DCLK2: variants seen among roughly 807,000 people sequenced by gnomAD.
The protein encoded by DCLK2 is doublecortin like kinase 2.
In DCLK2, 31 loss-of-function variants were observed where a neutral mutation model predicts 78.4. The observed-to-expected ratio is 0.40, with a 90% CI of 0.30 to 0.53. The LOEUF is 0.53. Ranked by LOEUF, DCLK2 falls within the 20% of genes least tolerant of loss-of-function variation. DCLK2 has a pLI of 0.61. For missense variants in DCLK2, 872 were observed against 973.7 expected, an observed-to-expected ratio of 0.90 and a Z score of 1.39; for synonymous variants, 407 against 374.9, an observed-to-expected ratio of 1.09 and a Z score of -0.99.
intron 2 of DCLK2, among the ~76,000 whole-genome samples, chr4:150,165,974 C>T (rs1339231115): frequency 6.6e-6 from 1 of 152,108 alleles, no homozygotes; most frequent in Non-Finnish European, 1.5e-5. Context: ...CCACCTTCCC[C>T]CTTCAACTGT....
chr4:150,195,151 AT>A (rs1159487612), intron 3 of DCLK2, among the ~76,000 whole-genome samples: 12 of 59,692 alleles, frequency 2.0e-4, no homozygotes, highest in South Asian at 1.8e-3. Flanking sequence ...TATATATATT[AT>A]ATATAATATT....
chr4:150,207,777 G>A (rs563627261), intron 5 of DCLK2, among the ~76,000 whole-genome samples: 2 of 152,102 alleles, frequency 1.3e-5, no homozygotes, highest in African/African-American at 4.8e-5. Flanking sequence ...TATTTGTTTT[G>A]TTCAAGTAGT....
At chr4:150,218,920 G>A (rs531385518) in intron 5 of DCLK2, among the ~76,000 whole-genome samples, 1 of 152,240 alleles carries the variant, frequency 6.6e-6, no homozygotes, top group East Asian at 1.9e-4. Context: ...AATTTGGCTG[G>A]CCAGGCCAAA....
At chr4:150,130,170 A>G (rs970811212) in intron 2 of DCLK2, among the ~76,000 whole-genome samples, 13 of 152,140 alleles carry the variant, frequency 8.5e-5, no homozygotes, top group Non-Finnish European at 1.8e-4. Flanking sequence ...AGTCCTTAAT[A>G]TGTATTCACT....
chr4:150,147,673 A>G (rs912672836), intron 2 of DCLK2, among the ~76,000 whole-genome samples: 1 of 152,176 alleles, frequency 6.6e-6, no homozygotes, highest in East Asian at 1.9e-4. Flanking sequence ...AAACTGGGCT[A>G]TAAAAGAAAC....
chr4:150,240,056 C>T (rs1742801649), intron 11 of DCLK2, among the ~76,000 whole-genome samples, 181 bp downstream of exon 11: 1 of 64,896 alleles, frequency 1.5e-5, no homozygotes, highest in African/African-American at 5.1e-5. Context: ...TATACAGTGC[C>T]TCCTGTGAAG....
intron 10 of DCLK2, among the ~76,000 whole-genome samples, chr4:150,233,575 A>G (rs985145123): frequency 1.3e-5 from 2 of 152,200 alleles, no homozygotes; most frequent in Non-Finnish European, 2.9e-5. Context: ...AATTTTGGAA[A>G]TAGTCTAGTC....
chr4:150,108,411 G>T (rs1209311300), intron 2 of DCLK2, among the ~76,000 whole-genome samples: 1 of 151,516 alleles, frequency 6.6e-6, no homozygotes, highest in Non-Finnish European at 1.5e-5. Context: ...GGGCGTGGTG[G>T]TGGGCGCCTG....
intron 2 of DCLK2, among the ~76,000 whole-genome samples, chr4:150,128,200 C>A (rs1247116163): frequency 6.6e-6 from 1 of 152,088 alleles, no homozygotes; most frequent in Non-Finnish European, 1.5e-5. Context: ...GGAAAGGCCT[C>A]CAAAACAAAG....
At chr4:150,119,035 CAATAATAATATAAT>C (rs1560787353) in intron 2 of DCLK2, among the ~76,000 whole-genome samples, 1 of 53,980 alleles carries the variant, frequency 1.9e-5, no homozygotes, top group Non-Finnish European at 4.6e-5. Context: ...CTCAAAATAA[CAATAATAATATAAT>C]AATAATAATA....
intron 8 of DCLK2, among the ~76,000 whole-genome samples, chr4:150,229,048 A>C (rs539009426): frequency 4.0e-5 from 6 of 149,896 alleles, no homozygotes; most frequent in Non-Finnish European, 8.9e-5. Flanking sequence ...AAAAACAAAA[A>C]AAAAAACTAT....
intron 2 of DCLK2, among the ~76,000 whole-genome samples, chr4:150,169,213 T>C (rs1736320325): frequency 6.6e-6 from 1 of 152,206 alleles, no homozygotes; most frequent in Admixed American, 6.5e-5. Flanking sequence ...AAAAATTAAC[T>C]TCTAAAAATC....
intron 2 of DCLK2, among the ~76,000 whole-genome samples, chr4:150,115,297 G>C (rs982428271): frequency 6.6e-6 from 1 of 151,402 alleles, no homozygotes; most frequent in Admixed American, 6.6e-5. Flanking sequence ...ATTTCTTTTT[G>C]TTGGTTTTTG....
At chr4:150,146,647 C>T (rs751992873) in intron 2 of DCLK2, among the ~76,000 whole-genome samples, 3 of 152,268 alleles carry the variant, frequency 2.0e-5, no homozygotes, top group Admixed American at 6.5e-5. Flanking sequence ...GTAATAAGAT[C>T]AGATGCCATC....
At chr4:150,198,926 TC>T in intron 4 of DCLK2, 1 of 365,284 alleles carries the variant, frequency 2.7e-6, no homozygotes, top group Non-Finnish European at 4.9e-6. Flanking sequence ...CCCCCCACTT[TC>T]TGTAGGGCAG....
chr4:150,111,874 T>C (rs1408881355), intron 2 of DCLK2, among the ~76,000 whole-genome samples: 1 of 152,230 alleles, frequency 6.6e-6, no homozygotes, highest in Non-Finnish European at 1.5e-5. Context: ...TGTAGCCTTA[T>C]AGTATAATTT....
At chr4:150,148,764 G>A (rs1235055789) in intron 2 of DCLK2, among the ~76,000 whole-genome samples, 2 of 152,028 alleles carry the variant, frequency 1.3e-5, no homozygotes, top group Non-Finnish European at 2.9e-5. Flanking sequence ...CAGGCGTGGT[G>A]GCTCACGCCA....
At chr4:150,232,519 C>G (rs1742155341) in intron 9 of DCLK2, 63 bp downstream of exon 9, 1 of 1,586,358 alleles carries the variant, frequency 6.3e-7, no homozygotes, top group Non-Finnish European at 8.6e-7. Context: ...CTTGAAGGAC[C>G]TAATCAGAAA....
At chr4:150,191,573 A>G (rs901064003) in intron 2 of DCLK2, among the ~76,000 whole-genome samples, 1 of 152,192 alleles carries the variant, frequency 6.6e-6, no homozygotes, top group African/African-American at 2.4e-5. Flanking sequence ...GTGTGCTAAC[A>G]CCAACGGAGA....
Sources: gnomAD v4.1 joint callset for allele counts (sites outside exome capture counted in the v4.1 genomes callset) on GRCh38, gnomAD v4.1.1 for gene constraint, MANE v1.5 for transcripts, NCBI Gene and HGNC (gene_info 2026-07-23, HGNC 2026-07-21) for gene names.